The following SCFD2 variants were observed in gnomAD, a reference collection of about 807,000 sequenced individuals.
SCFD2 encodes sec1 family domain-containing protein 2.
Under a neutral mutation model 58.9 loss-of-function variants are expected in SCFD2, and 54 were observed. The observed-to-expected ratio is 0.92, with a 90% confidence interval of 0.74 to 1.15. The LOEUF (loss-of-function observed/expected upper bound fraction) is 1.15, where lower values mean the gene tolerates loss of function less well. Among genes scored for constraint, SCFD2 ranks in the 50% most tolerant of loss-of-function variants. The pLI is 0.00. For synonymous variants in SCFD2, 321 were observed against 335.9 expected (o/e 0.96, Z 0.49); for missense variants, 805 against 836.6 (o/e 0.96, Z 0.47).
chr4:53,202,336 A>T (rs1206901848), intron 4 of SCFD2, among the ~76,000 whole-genome samples: 3 of 152,120 alleles, frequency 2.0e-5, no homozygotes, highest in Non-Finnish European at 4.4e-5. Flanking sequence ...AGATAGCTGT[A>T]GATACGTGGC....
At chr4:53,223,578 C>A (rs1729111921) in intron 4 of SCFD2, among the ~76,000 whole-genome samples, 1 of 152,220 alleles carries the variant, frequency 6.6e-6, no homozygotes, top group South Asian at 2.1e-4. Context: ...CTTTCCCGTC[C>A]TTCCCTAACC....
chr4:53,344,010 C>T (rs1733973885), intron 2 of SCFD2, among the ~76,000 whole-genome samples: 2 of 152,174 alleles, frequency 1.3e-5, no homozygotes, highest in South Asian at 4.1e-4. Context: ...TGGACAAAAA[C>T]TGGAAGCATT....
intron 2 of SCFD2, among the ~76,000 whole-genome samples, chr4:53,338,240 T>C (rs1733741883): frequency 6.6e-6 from 1 of 152,162 alleles, no homozygotes; most frequent in Non-Finnish European, 1.5e-5. Context: ...ATAGCAGCAA[T>C]GAGAAACTCA....
chr4:53,327,075 T>C (rs1276046380), intron 2 of SCFD2, among the ~76,000 whole-genome samples: 2 of 149,356 alleles, frequency 1.3e-5, no homozygotes, highest in African/African-American at 5.0e-5. Flanking sequence ...TAGAAGGGAG[T>C]TGTCTTGATA....
intron 3 of SCFD2, among the ~76,000 whole-genome samples, chr4:53,297,465 T>G (rs1405608412): frequency 6.6e-6 from 1 of 151,124 alleles, no homozygotes; most frequent in Non-Finnish European, 1.5e-5. Context: ...AACCCTTGGT[T>G]TTTTTTTTGT....
rs1030140827 is a variant in SCFD2, at chr4:53,273,889, C to T, written c.1248G>A (p.Thr416=). The T allele has an allele frequency of 4.3e-6, 7 of 1,613,694 alleles. No homozygotes were observed. The highest frequency in any genetic ancestry group is 2.2e-5 in the East Asian group (1 of 44,882). ...ACTTGGCAGTCTGTGGGTGTTTCAACGTTTGAGCTGTGGCCAGTCCAAGCT... is the reference window on the plus strand; with the variant it reads ...ACTTGGCAGTCTGTGGGTGTTTCAATGTTTGAGCTGTGGCCAGTCCAAGCT... The part of the protein sequence containing the change: ...LLQLGLATAQ[T]LKHPQTAKWD... The change falls in exon 4 of 9, where the codon ACG becomes ACA. Residue 416 remains threonine (T), a synonymous_variant. Transcript: ENST00000401642.
chr4:53,325,675 CA>C (rs1733169747), intron 2 of SCFD2, among the ~76,000 whole-genome samples: 1 of 152,160 alleles, frequency 6.6e-6, no homozygotes, highest in African/African-American at 2.4e-5. Flanking sequence ...AGTCACTATA[CA>C]AGACTTTTGA....
intron 2 of SCFD2, among the ~76,000 whole-genome samples, chr4:53,349,996 C>T (rs1734167175): frequency 6.6e-6 from 1 of 152,156 alleles, no homozygotes; most frequent in African/African-American, 2.4e-5. Flanking sequence ...CCTTCGTCTT[C>T]TATAAACGGG....
At chr4:52,953,807 A>T (rs1720653059) in intron 5 of SCFD2, among the ~76,000 whole-genome samples, 1 of 152,244 alleles carries the variant, frequency 6.6e-6, no homozygotes, top group Non-Finnish European at 1.5e-5. Flanking sequence ...ACTGAAATGA[A>T]AAGGCTGGGC....
At chr4:53,030,667 C>A (rs1722594762) in intron 5 of SCFD2, among the ~76,000 whole-genome samples, 1 of 152,148 alleles carries the variant, frequency 6.6e-6, no homozygotes, top group Admixed American at 6.5e-5. Context: ...GGTGATCTCC[C>A]TGCCTCAGCC....
chr4:53,170,859 A>AT (rs904844796), intron 4 of SCFD2, among the ~76,000 whole-genome samples: 6 of 151,968 alleles, frequency 3.9e-5, no homozygotes. Context: ...AATGCTACTC[A>AT]TTTTTCTGTG....
chr4:52,915,659 C>A (rs1204282808), intron 6 of SCFD2, among the ~76,000 whole-genome samples: 2 of 152,152 alleles, frequency 1.3e-5, no homozygotes, highest in African/African-American at 2.4e-5. Context: ...TTGAGTATAG[C>A]CCCTTCAATT....
intron 4 of SCFD2, among the ~76,000 whole-genome samples, chr4:53,157,021 C>T (rs988203607): frequency 6.6e-5 from 10 of 152,108 alleles, no homozygotes; most frequent in African/African-American, 1.9e-4. Flanking sequence ...GGAAAACAAC[C>T]GATATACTTA....
Position 52,962,655 on chromosome 4 carries a change from A to G in SCFD2, c.1562-41785T>C, listed in dbSNP as rs1326317279. Among the ~76,000 whole-genome samples the G allele has an allele frequency of 3.3e-5, 5 of 151,566 alleles. No homozygotes were observed. In the East Asian group the frequency reaches 7.7e-4, roughly 23 times the overall value. On this transcript the variant is annotated intron_variant, in intron 5 of 8. Transcript: ENST00000401642. ...TTAAAATGAGCATTGTGTTAATGCT[A>G]TGATGAAAATAGTTTAGAGGGGGGC...
chr4:53,108,476 C>A (rs1254162843), intron 5 of SCFD2, among the ~76,000 whole-genome samples: 3 of 150,936 alleles, frequency 2.0e-5, no homozygotes, highest in African/African-American at 7.3e-5. Flanking sequence ...ACTAGTCAGA[C>A]TAATAAAGAA....
chr4:52,935,504 T>C (rs1577839782), intron 5 of SCFD2, among the ~76,000 whole-genome samples: 1 of 152,122 alleles, frequency 6.6e-6, no homozygotes, highest in Admixed American at 6.5e-5. Flanking sequence ...ATCCTGCCCT[T>C]AGGTCAAACA....
intron 7 of SCFD2, among the ~76,000 whole-genome samples, chr4:52,887,864 G>T (rs1718775442): frequency 6.7e-6 from 1 of 148,498 alleles, no homozygotes; most frequent in South Asian, 2.1e-4. Flanking sequence ...TGGCTCCCTT[G>T]CCTGATTATA....
intron 5 of SCFD2, among the ~76,000 whole-genome samples, chr4:52,968,466 G>A (rs1256553697): frequency 6.6e-6 from 1 of 152,202 alleles, no homozygotes; most frequent in Non-Finnish European, 1.5e-5. Context: ...TGTGGCCGTG[G>A]GGCAAATAGG....
intron 4 of SCFD2, among the ~76,000 whole-genome samples, chr4:53,150,297 C>G (rs544493114): frequency 4.6e-5 from 7 of 152,086 alleles, no homozygotes; most frequent in Non-Finnish European, 1.0e-4. Flanking sequence ...AGCCATCAGC[C>G]AAGATAAGGG....
Sources: gnomAD v4.1 joint callset for allele counts (sites outside exome capture counted in the v4.1 genomes callset) on GRCh38, gnomAD v4.1.1 for gene constraint, MANE v1.5 for transcripts, NCBI Gene and HGNC (gene_info 2026-07-23, HGNC 2026-07-21) for gene names.